CDH13: variants seen among roughly 807,000 people sequenced by gnomAD.
CDH13 encodes cadherin 13.
A neutral mutation model predicts 63.8 loss-of-function variants in CDH13; 24 were observed. The ratio of observed to expected loss-of-function variants is 0.38; its 90% CI spans 0.27 to 0.53. The LOEUF (loss-of-function observed/expected upper bound fraction) is 0.53. CDH13 is among the 20% of genes least tolerant of loss of function. The pLI, the probability that CDH13 is intolerant of heterozygous loss-of-function variation, is 0.85. For missense variants in CDH13, 1,049 were observed against 903.1 expected (o/e 1.16, Z -2.07); for synonymous variants, 503 against 355.3 (o/e 1.42, Z -4.67).
chr16:83,447,992 C>T (rs1395233572), intron 6 of CDH13, among the ~76,000 whole-genome samples: 2 of 152,044 alleles, frequency 1.3e-5, no homozygotes, highest in African/African-American at 2.4e-5. Flanking sequence ...TCAGAAGCCC[C>T]TTTGACTCCC....
chr16:83,550,227 C>T lies in CDH13; in HGVS notation c.961-52227C>T, dbSNP rs113054671. ...TACTTGAGAGGGACAAACAAAACAC[C>T]TGTGGAATCTCTTGGTCAGCTGGCC... On this transcript the variant is annotated intron_variant, in intron 7 of 13. Transcript: ENST00000567109. 5.9e-5 allele frequency among the ~76,000 whole-genome samples: 9 copies of T among 152,308 alleles called. 1 individual carries two copies. The highest frequency in any genetic ancestry group is 2.2e-4 in the African/African-American group (9 of 41,578).
At chr16:83,050,804 C>T (rs1256757621) in intron 3 of CDH13, among the ~76,000 whole-genome samples, 1 of 152,062 alleles carries the variant, frequency 6.6e-6, no homozygotes, top group Non-Finnish European at 1.5e-5. Context: ...ACCTCATTAC[C>T]TCATTACTTC....
chr16:83,252,443 C>T (rs913948569), intron 5 of CDH13, among the ~76,000 whole-genome samples: 1 of 151,948 alleles, frequency 6.6e-6, no homozygotes, highest in Non-Finnish European at 1.5e-5. Flanking sequence ...AGATGGTGAC[C>T]TTAAAACCAT....
intron 5 of CDH13, among the ~76,000 whole-genome samples, chr16:83,287,209 T>C (rs1182957948): frequency 1.3e-5 from 2 of 152,176 alleles, no homozygotes; most frequent in African/African-American, 2.4e-5. Flanking sequence ...AGATATCCAG[T>C]AGGACCTGAT....
At chr16:83,383,551 C>T (rs1185175017) in intron 6 of CDH13, among the ~76,000 whole-genome samples, 1 of 152,126 alleles carries the variant, frequency 6.6e-6, no homozygotes, top group Non-Finnish European at 1.5e-5. Context: ...GCAAGGAAGA[C>T]TGTTTCCTCT....
At chr16:83,130,628 G>C (rs571900595) in intron 4 of CDH13, among the ~76,000 whole-genome samples, 5 of 152,264 alleles carry the variant, frequency 3.3e-5, no homozygotes, top group African/African-American at 9.6e-5. Flanking sequence ...ATTCTTTCGA[G>C]TTTTCTCTGC....
intron 2 of CDH13, among the ~76,000 whole-genome samples, chr16:83,006,700 G>A (rs144754181): frequency 3.9e-5 from 6 of 152,148 alleles, no homozygotes; most frequent in Admixed American, 6.5e-5. Context: ...CTAGCCAGGA[G>A]CCCTTACTGA....
chr16:83,507,955 C>T (rs570537631), intron 7 of CDH13, among the ~76,000 whole-genome samples: 1 of 151,118 alleles, frequency 6.6e-6, no homozygotes, highest in African/African-American at 2.4e-5. Flanking sequence ...TCGCTTGAAA[C>T]CGGGAGGCAG....
intron 1 of CDH13, among the ~76,000 whole-genome samples, chr16:82,815,496 T>C (rs980725445): frequency 1.3e-5 from 2 of 152,154 alleles, no homozygotes; most frequent in Non-Finnish European, 2.9e-5. Context: ...GCGTGGAACA[T>C]GGAAAACACT....
chr16:82,629,859 A>G (rs924653522), intron 1 of CDH13, among the ~76,000 whole-genome samples: 9 of 152,230 alleles, frequency 5.9e-5, no homozygotes, highest in African/African-American at 2.2e-4. Flanking sequence ...GAAACAAATC[A>G]AGAAAGAAAT....
At chr16:82,974,680 C>T (rs181614571) in intron 2 of CDH13, among the ~76,000 whole-genome samples, 3 of 152,150 alleles carry the variant, frequency 2.0e-5, no homozygotes, top group Non-Finnish European at 4.4e-5. Flanking sequence ...AAGGAGGAGG[C>T]AGAAGATCCA....
chr16:82,863,347 C>T (rs1030015222), intron 2 of CDH13, among the ~76,000 whole-genome samples: 3 of 152,220 alleles, frequency 2.0e-5, no homozygotes, highest in African/African-American at 2.4e-5. Context: ...GCTCCTCTCC[C>T]TGTGCCATCT....
At chr16:83,750,615 G>T (rs1265704291) in intron 11 of CDH13, among the ~76,000 whole-genome samples, 1 of 152,146 alleles carries the variant, frequency 6.6e-6, no homozygotes, top group Admixed American at 6.5e-5. Flanking sequence ...CTCAAAGGGG[G>T]AATTTGAAGA....
Position 82,858,449 on chromosome 16 carries a change from A to G in CDH13, c.133A>G (p.Ile45Val), listed in dbSNP as rs777345606. The stretch of plus-strand genomic sequence containing the variant: ...CCATATCAATCAGCCAGCTGAATTC[A>G]TTGAGGACCAGTCAATTCTAAACTG... ...VFHINQPAEF[I>V]EDQSILNLTF... Residue 45 changes from isoleucine to valine, a missense_variant, in exon 2 of 14, where the codon ATT becomes GTT. Coordinates refer to ENST00000567109, the MANE Select transcript of CDH13 (RefSeq NM_001257.5). 5.0e-6 allele frequency: 8 copies of G among 1,610,580 alleles called. No individual in the cohort carries two copies. Among genetic ancestry groups the G allele is most frequent in the Non-Finnish European group, 6.8e-6 (8 of 1,176,916 alleles).
chr16:83,452,836 A>G lies in CDH13; in HGVS notation c.782-33641A>G, dbSNP rs146075588. Among the ~76,000 whole-genome samples the G allele has an allele frequency of 1.2e-3, 185 of 152,236 alleles. 1 individual carries two copies. The East Asian group carries it at 0.033, about 27-fold the overall frequency. On this transcript the variant is annotated intron_variant, in intron 6 of 13. Transcript: ENST00000567109. ...CTGGAGGTGGGTTTTGGAAGGAGAA[A>G]TCTCTTTCTCATATTATTAGTCTCA...
intron 2 of CDH13, among the ~76,000 whole-genome samples, chr16:82,958,915 G>C (rs1440777405): frequency 6.6e-6 from 1 of 152,340 alleles, no homozygotes; most frequent in Admixed American, 6.5e-5. Context: ...GGTTATGAAC[G>C]AATGAAATCT....
intron 10 of CDH13, among the ~76,000 whole-genome samples, chr16:83,719,179 C>T (rs1909347235): frequency 6.6e-6 from 1 of 152,208 alleles, no homozygotes; most frequent in Non-Finnish European, 1.5e-5. Flanking sequence ...AGTAGAATTG[C>T]ATTGAGCAGG....
intron 7 of CDH13, among the ~76,000 whole-genome samples, chr16:83,578,812 C>A (rs553363922): frequency 6.6e-6 from 1 of 152,154 alleles, no homozygotes; most frequent in African/African-American, 2.4e-5. Flanking sequence ...GTCCACTATT[C>A]GGTGTCCTAT....
chr16:83,568,824 C>G (rs1004524765), intron 7 of CDH13, among the ~76,000 whole-genome samples: 11 of 152,200 alleles, frequency 7.2e-5, no homozygotes, highest in African/African-American at 2.4e-4. Flanking sequence ...AAGCCACTCA[C>G]TTGCTGTTCT....
Sources: allele counts gnomAD v4.1 joint callset (sites outside exome capture counted in the v4.1 genomes callset), GRCh38; gene constraint gnomAD v4.1.1; transcripts MANE v1.5; gene names NCBI Gene and HGNC (gene_info 2026-07-23, HGNC 2026-07-21).